Variants in EXOC4 observed in about 807,000 individuals in gnomAD.
EXOC4 encodes SEC8-like 1.
Under a neutral mutation model 107.2 loss-of-function variants are expected in EXOC4, and 71 were observed. The observed-to-expected ratio is 0.66, with a 90% CI of 0.55 to 0.81. The LOEUF (loss-of-function observed/expected upper bound fraction) is 0.81. Among genes scored for constraint, EXOC4 ranks in the 30% least tolerant of loss-of-function variants. The probability of loss-of-function intolerance (pLI) is 0.00; values close to 1 mark genes in which losing one functional copy is unlikely to be tolerated. For missense variants in EXOC4, 1,108 were observed against 1,189.6 expected (o/e 0.93, Z 1.01); for synonymous variants, 456 against 441.2 (o/e 1.03, Z -0.42).
intron 6 of EXOC4, 77 bp downstream of exon 6, chr7:133,356,650 C>A: frequency 6.6e-7 from 1 of 1,508,670 alleles, no homozygotes; most frequent in Non-Finnish European, 9.1e-7. Flanking sequence ...AAGTAACTTA[C>A]CTTCTGTTGA....
intron 11 of EXOC4, among the ~76,000 whole-genome samples, chr7:133,882,605 C>T (rs929870423): frequency 6.6e-6 from 1 of 152,034 alleles, no homozygotes; most frequent in Non-Finnish European, 1.5e-5. Flanking sequence ...TAATCTGGTA[C>T]GAGGGTTAGG....
rs13437786 is a variant in EXOC4 at position 133,253,423 on chromosome 7, G to C, written c.86+236G>C. 3.9e-6 allele frequency: 5 copies of C among 1,284,986 alleles called. No homozygotes were observed. In the East Asian group the frequency reaches 1.6e-4, roughly 41 times the overall value. The allele number at this position is 1,284,986 out of a possible 1,614,324, so 79.6% of individuals were successfully genotyped here. ...CGCCTCAGTCTTTTCTTTAGGGGCA[G>C]CACCTTCTATTACAGTCTCGGGACC... On this transcript the variant is annotated intron_variant, in intron 1 of 17. Coordinates refer to ENST00000253861, the MANE Select transcript of EXOC4 (RefSeq NM_021807.4).
At position 134,004,973 on chromosome 7, in the gene EXOC4, A is replaced by G; in HGVS notation, c.2410A>G (p.Asn804Asp). 1 of 1,613,508 alleles carries G rather than the reference A, an allele frequency of 6.2e-7. No homozygotes were observed. The highest frequency in any genetic ancestry group is 8.5e-7 in the Non-Finnish European group (1 of 1,179,608). The change falls in exon 16 of 18, where the codon AAT becomes GAT. Residue 804 changes from asparagine to aspartate, a missense_variant. Physicochemically the swap from Asn to Asp is conservative, Grantham distance 23. Coordinates refer to ENST00000253861, the MANE Select transcript of EXOC4 (RefSeq NM_021807.4). ...AKEGNYAIVA[N>D]VESMDYDPLV... is the part of the protein sequence containing the mutation. Reference sequence around the variant, plus strand: ...GGAGGGGAACTATGCCATTGTGGCTAATGTGGAAAGTATGGATTATGACCC... The same window carrying G: ...GGAGGGGAACTATGCCATTGTGGCTGATGTGGAAAGTATGGATTATGACCC...
intron 14 of EXOC4, among the ~76,000 whole-genome samples, chr7:133,961,982 G>A (rs1436858699): frequency 1.3e-5 from 2 of 152,212 alleles, no homozygotes; most frequent in Non-Finnish European, 2.9e-5. Context: ...GGAGGAAATT[G>A]AGGCCAAGCT....
chr7:133,317,426 G>A (rs756243163), intron 5 of EXOC4, 36 bp downstream of exon 5: 1 of 1,380,874 alleles, frequency 7.2e-7, no homozygotes, highest in Non-Finnish European at 1.0e-6. Flanking sequence ...AAGCTTTTTA[G>A]TATGTCTTAG....
chr7:133,546,288 G>C (rs987185694), intron 9 of EXOC4, among the ~76,000 whole-genome samples: 1 of 115,004 alleles, frequency 8.7e-6, no homozygotes. Context: ...ATGGAGTCTT[G>C]CTCTGTCACC....
chr7:133,881,048 G>T (rs554190927), intron 11 of EXOC4, among the ~76,000 whole-genome samples: 1 of 152,242 alleles, frequency 6.6e-6, no homozygotes, highest in South Asian at 2.1e-4. Flanking sequence ...TCTGAACAGT[G>T]AAACTTTTTG....
At chr7:133,817,029 T>C (rs1797388800) in intron 10 of EXOC4, among the ~76,000 whole-genome samples, 1 of 152,188 alleles carries the variant, frequency 6.6e-6, no homozygotes, top group African/African-American at 2.4e-5. Flanking sequence ...TTTTTGTTTT[T>C]CACATTTTCC....
chr7:133,353,526 G>T (rs767848891), intron 5 of EXOC4, among the ~76,000 whole-genome samples: 2 of 151,970 alleles, frequency 1.3e-5, no homozygotes, highest in Non-Finnish European at 1.5e-5. Context: ...TCTTATTGGG[G>T]ATCCTGTATA....
chr7:134,027,778 C>T (rs1005168544), intron 17 of EXOC4, among the ~76,000 whole-genome samples: 1 of 151,994 alleles, frequency 6.6e-6, no homozygotes, highest in Non-Finnish European at 1.5e-5. Flanking sequence ...TCCTGGTTGG[C>T]TCAGATCACT....
chr7:134,067,188 C>T (rs969255376), downstream of EXOC4, among the ~76,000 whole-genome samples: 42 of 148,506 alleles, frequency 2.8e-4, no homozygotes, highest in African/African-American at 6.9e-4. Context: ...CAACGAAATA[C>T]GCCTTACCAG....
At chr7:133,790,443 G>A (rs1405065112) in intron 10 of EXOC4, among the ~76,000 whole-genome samples, 11 of 152,222 alleles carry the variant, frequency 7.2e-5, no homozygotes, top group Non-Finnish European at 1.0e-4. Flanking sequence ...TGGAGCTGTG[G>A]GGGTGATGAC....
At chr7:133,621,923 G>T (rs1802338837) in intron 9 of EXOC4, among the ~76,000 whole-genome samples, 1 of 151,058 alleles carries the variant, frequency 6.6e-6, no homozygotes, top group Non-Finnish European at 1.5e-5. Flanking sequence ...AGTAACAGAA[G>T]CAAGAAAGGT....
chr7:133,758,952 G>A (rs1005388409), intron 10 of EXOC4, among the ~76,000 whole-genome samples: 3 of 152,116 alleles, frequency 2.0e-5, no homozygotes, highest in African/African-American at 7.2e-5. Context: ...GGAAAAAAAT[G>A]CTGAAATTTT....
At chr7:133,891,866 G>C (rs1799210361) in intron 11 of EXOC4, among the ~76,000 whole-genome samples, 1 of 67,262 alleles carries the variant, frequency 1.5e-5, no homozygotes. Flanking sequence ...TGTTCATCAA[G>C]GATATTGGTC....
the EXOC4 span, among the ~76,000 whole-genome samples, chr7:134,090,629 G>C: frequency 2.0e-5 from 3 of 152,154 alleles, no homozygotes; most frequent in Non-Finnish European, 4.4e-5. Flanking sequence ...AGCGAGACCA[G>C]AGAAAGATCC....
At chr7:133,601,404 C>T (rs962604719) in intron 9 of EXOC4, among the ~76,000 whole-genome samples, 1 of 152,016 alleles carries the variant, frequency 6.6e-6, no homozygotes, top group Non-Finnish European at 1.5e-5. Flanking sequence ...GAGGAAGATA[C>T]ATATTTTTCA....
intron 17 of EXOC4, among the ~76,000 whole-genome samples, chr7:134,057,318 C>T (rs997107434): frequency 6.6e-6 from 1 of 151,818 alleles, no homozygotes; most frequent in Non-Finnish European, 1.5e-5. Flanking sequence ...TCACTTCTAG[C>T]GTGTCCTGAT....
intron 1 of EXOC4, among the ~76,000 whole-genome samples, chr7:133,273,534 C>G (rs759366062): frequency 1.3e-5 from 2 of 152,124 alleles, no homozygotes; most frequent in African/African-American, 4.8e-5. Flanking sequence ...CCTGCCATCC[C>G]CCTACCCGTA....
Sources: gnomAD v4.1 joint callset for allele counts (sites outside exome capture counted in the v4.1 genomes callset) on GRCh38, gnomAD v4.1.1 for gene constraint, MANE v1.5 for transcripts, NCBI Gene and HGNC (gene_info 2026-07-23, HGNC 2026-07-21) for gene names.